RBFOX3: variants seen among roughly 807,000 people sequenced by gnomAD.
RBFOX3 encodes the protein RNA binding protein fox-1 homolog 3.
In RBFOX3, 17 loss-of-function variants were observed where a neutral mutation model predicts 48.7. The ratio of observed to expected loss-of-function variants is 0.35; its 90% CI spans 0.24 to 0.52. The LOEUF is 0.52. Ranked by LOEUF, RBFOX3 falls within the 20% of genes least tolerant of loss-of-function variation. RBFOX3 has a pLI of 0.94. For synonymous variants in RBFOX3, 212 were observed against 209.5 expected, an observed-to-expected ratio of 1.01 and a Z score of -0.10; for missense variants, 382 against 497.5, an observed-to-expected ratio of 0.77 and a Z score of 2.21.
intron 1 of RBFOX3, among the ~76,000 whole-genome samples, chr17:79,548,078 C>T (rs1439920662): frequency 6.6e-6 from 1 of 152,238 alleles, no homozygotes; most frequent in African/African-American, 2.4e-5. Flanking sequence ...AATCAAGTTC[C>T]CAGGCAGAGT....
chr17:79,588,144 T>C (rs1183453165), intron 1 of RBFOX3, among the ~76,000 whole-genome samples: 2 of 152,318 alleles, frequency 1.3e-5, no homozygotes, highest in East Asian at 1.9e-4. Flanking sequence ...GAGTTGGGTC[T>C]TGAGGCATGC....
At chr17:79,374,824 C>G (rs1256810587) in intron 2 of RBFOX3, among the ~76,000 whole-genome samples, 1 of 152,220 alleles carries the variant, frequency 6.6e-6, no homozygotes, top group African/African-American at 2.4e-5. Context: ...TGAGCCTCCC[C>G]CAGTGCATTT....
chr17:79,111,057 T>C lies in RBFOX3; in HGVS notation c.223-4269A>G, dbSNP rs1458761796. ...GGCCAGACTGTGAAGCCTGTAGTTA[T>C]AGATGAGGTGGTCCAAATGGAAGAT... is the stretch of plus-strand genomic sequence containing the variant. On this transcript the variant is annotated intron_variant, in intron 5 of 14. Coordinates refer to ENST00000693108, the MANE Select transcript of RBFOX3 (RefSeq NM_001350451.2). This position sits in a 1 kb window ranked among gnomAD's most constrained non-coding sequence, Gnocchi z 4.2. Among the ~76,000 whole-genome samples the C allele has an allele frequency of 6.6e-6, 1 of 152,192 alleles. No homozygotes were observed. Among genetic ancestry groups the C allele is most frequent in the Non-Finnish European group, 1.5e-5 (1 of 68,028 alleles).
At chr17:79,173,693 G>A (rs907667811) in intron 4 of RBFOX3, among the ~76,000 whole-genome samples, 8 of 152,114 alleles carry the variant, frequency 5.3e-5, no homozygotes, top group Non-Finnish European at 1.2e-4. Context: ...TGGGGCAGGG[G>A]GCCTGGGAGG....
the RBFOX3 span, among the ~76,000 whole-genome samples, chr17:79,628,972 T>C: frequency 6.6e-6 from 1 of 152,344 alleles, no homozygotes; most frequent in Admixed American, 6.5e-5. Flanking sequence ...CTTTGCTATT[T>C]GCCCAAAGAA....
Position 79,162,676 on chromosome 17 carries a change from C to T in RBFOX3, c.-33-46928G>A, listed in dbSNP as rs1241945779. ...AAGGAGCTGTGGAAAATTGACCCCTCGATCTCCTAAGGACTAATCAGACAT... is the reference window on the plus strand; with the variant it reads ...AAGGAGCTGTGGAAAATTGACCCCTTGATCTCCTAAGGACTAATCAGACAT... On this transcript the variant is annotated intron_variant, in intron 4 of 14. Transcript: ENST00000693108. 2.6e-5 allele frequency among the ~76,000 whole-genome samples: 4 copies of T among 152,178 alleles called. No homozygotes were observed. In the South Asian group the frequency reaches 6.2e-4, roughly 24 times the overall value.
At chr17:79,630,175 C>T in the RBFOX3 span, among the ~76,000 whole-genome samples, 2 of 152,170 alleles carry the variant, frequency 1.3e-5, no homozygotes, top group Non-Finnish European at 2.9e-5. Context: ...TCCTGATGAA[C>T]GTGGGGGTCC....
chr17:79,144,634 C>A (rs1412539370), intron 4 of RBFOX3, among the ~76,000 whole-genome samples: 2 of 152,178 alleles, frequency 1.3e-5, no homozygotes, highest in African/African-American at 4.8e-5. Context: ...GGAAGAAGCA[C>A]CCCTCTCCCG....
At chr17:79,180,766 C>T (rs758562033) in intron 4 of RBFOX3, among the ~76,000 whole-genome samples, 2 of 152,210 alleles carry the variant, frequency 1.3e-5, no homozygotes, top group South Asian at 2.1e-4. Flanking sequence ...TAGACCTTTC[C>T]GGAGTCCACC....
intron 2 of RBFOX3, among the ~76,000 whole-genome samples, chr17:79,476,371 A>AT (rs1173416385): frequency 3.3e-5 from 5 of 152,196 alleles, no homozygotes; most frequent in Admixed American, 6.5e-5. Flanking sequence ...CCGTTTTTCT[A>AT]TTTTTTTAAA....
rs149400799 is a variant in RBFOX3 at position 79,549,476 on chromosome 17, G to A, written c.-320+61350C>T. On this transcript the variant is annotated intron_variant, in intron 1 of 14. Coordinates refer to ENST00000693108, the MANE Select transcript of RBFOX3 (RefSeq NM_001350451.2). ...GCAAAGCTAATGTTTCTGCAGAGAC[G>A]TGAGAGCAAGTGAATCTGATACCAG... Among the ~76,000 whole-genome samples, 3 of 152,388 alleles carry A rather than the reference G, an allele frequency of 2.0e-5. No individual in the cohort carries two copies. The East Asian group carries it at 5.8e-4, about 29-fold the overall frequency.
chr17:79,411,291 G>A (rs1313800895), intron 2 of RBFOX3, among the ~76,000 whole-genome samples: 1 of 152,118 alleles, frequency 6.6e-6, no homozygotes, highest in Non-Finnish European at 1.5e-5. Context: ...GGCACCTCAT[G>A]GCACCTCACT....
chr17:79,146,691 G>A (rs9896494), intron 4 of RBFOX3, among the ~76,000 whole-genome samples: 10,784 of 152,260 alleles, frequency 0.071, 903 homozygotes, highest in African/African-American at 0.2. Context: ...CCTGGCTCTG[G>A]AGCAGAGCTG....
At chr17:79,433,489 G>A (rs2068835098) in intron 2 of RBFOX3, among the ~76,000 whole-genome samples, 1 of 152,222 alleles carries the variant, frequency 6.6e-6, no homozygotes, top group Non-Finnish European at 1.5e-5. Context: ...TTTACCAACA[G>A]AATGTGAGCA....
chr17:79,573,277 C>T (rs913470275), intron 1 of RBFOX3, among the ~76,000 whole-genome samples: 8 of 152,306 alleles, frequency 5.3e-5, no homozygotes, highest in Non-Finnish European at 8.8e-5. Flanking sequence ...ACCAAGGCCA[C>T]GGGGAACAAA....
At chr17:79,436,066 C>A (rs2148940139) in intron 2 of RBFOX3, among the ~76,000 whole-genome samples, 1 of 152,366 alleles carries the variant, frequency 6.6e-6, no homozygotes, top group East Asian at 1.9e-4. Context: ...GGGAGCCTCA[C>A]TTCCCCAGGC....
chr17:79,623,639 C>T, the RBFOX3 span, among the ~76,000 whole-genome samples: 3 of 151,922 alleles, frequency 2.0e-5, no homozygotes, highest in South Asian at 2.1e-4. Context: ...CATGGTGAAA[C>T]GCTGTCTCTA....
intron 2 of RBFOX3, among the ~76,000 whole-genome samples, chr17:79,408,289 T>G (rs1197602054): frequency 6.6e-6 from 1 of 152,002 alleles, no homozygotes; most frequent in Non-Finnish European, 1.5e-5. Flanking sequence ...GAGGACAGCT[T>G]CTTCACCCAA....
chr17:79,547,401 G>A lies in RBFOX3; in HGVS notation c.-320+63425C>T, dbSNP rs145027464. On this transcript the variant is annotated intron_variant, in intron 1 of 14. Transcript: ENST00000693108. ...ATCCCAGAGGCGGAGGTTGCAGTGA[G>A]CCAAGATTGCACCACAGCACTCCAG... Among the ~76,000 whole-genome samples, 115 of 152,294 alleles carry A rather than the reference G, an allele frequency of 7.6e-4. 1 individual carries two copies. The highest frequency in any genetic ancestry group is 7.1e-3 in the South Asian group (34 of 4,818).
Sources: gnomAD v4.1 joint callset for allele counts (sites outside exome capture counted in the v4.1 genomes callset) on GRCh38, gnomAD v4.1.1 for gene constraint, Gnocchi (gnomAD v3.1) non-coding constraint, MANE v1.5 for transcripts, NCBI Gene and HGNC (gene_info 2026-07-23, HGNC 2026-07-21) for gene names.